The following PDK1 variants were observed in gnomAD, a reference collection of about 807,000 sequenced individuals.
The protein encoded by PDK1 is pyruvate dehydrogenase kinase 1, also known as [Pyruvate dehydrogenase (acetyl-transferring)] kinase isozyme 1, mitochondrial.
PDK1 carries 39 observed loss-of-function variants against 54.2 expected under a neutral mutation model. That is an observed-to-expected ratio of 0.72 (90% CI 0.56 to 0.94). The LOEUF is 0.94. PDK1 is among the 40% of genes least tolerant of loss of function. The pLI is 0.00. For missense variants in PDK1, 552 were observed against 566.0 expected, an observed-to-expected ratio of 0.98 and a Z score of 0.25; for synonymous variants, 221 against 207.1, an observed-to-expected ratio of 1.07 and a Z score of -0.58.
the PDK1 span, among the ~76,000 whole-genome samples, chr2:172,645,260 C>CTTTTTTTTTTTTTTTTTTTTTTTTTTTT: frequency 3.9e-5 from 2 of 51,128 alleles, no homozygotes; most frequent in African/African-American, 6.8e-5. Flanking sequence ...ACAAAATAGG[C>CTTTTTTTTTTTTTTTTTTTTTTTTTTTT]TTTTTTTTTT....
the PDK1 span, among the ~76,000 whole-genome samples, chr2:172,668,450 G>A: frequency 6.6e-6 from 1 of 151,788 alleles, no homozygotes. Context: ...TATTTTTCTC[G>A]ACCTAAACTG....
the PDK1 span, among the ~76,000 whole-genome samples, chr2:172,707,016 G>A: frequency 6.6e-6 from 1 of 152,246 alleles, no homozygotes. Context: ...CTTCCTTTGT[G>A]GCCTCCATTG....
chr2:172,560,071 C>T (rs1688573795), intron 2 of PDK1, among the ~76,000 whole-genome samples: 1 of 152,192 alleles, frequency 6.6e-6, no homozygotes. Context: ...CCTCAAACTC[C>T]GGAGGTCAAG....
chr2:172,572,161 C>T (rs922222181), intron 8 of PDK1, among the ~76,000 whole-genome samples: 5 of 151,906 alleles, frequency 3.3e-5, no homozygotes, highest in African/African-American at 4.8e-5. Flanking sequence ...TAAATATTAC[C>T]TTTCTGTTAT....
rs70937082 is a variant in PDK1, at chr2:172,597,059, C to G, written c.*1090C>G. The G allele has an allele frequency of 1.3e-5, 2 of 151,892 alleles. No homozygotes were observed. The highest frequency in any genetic ancestry group is 3.9e-4 in the East Asian group (2 of 5,190). 9.4% of individuals were successfully genotyped at this position (151,892 alleles called of 1,614,324 possible). On this transcript the variant is annotated 3_prime_UTR_variant, in exon 11 of 11. Transcript: ENST00000282077. ...AATTAGAAGCAGAAGAACAAAATGCCACGTAACCAAAGCATCAGAGCCATC... is the reference window on the plus strand; with the variant it reads ...AATTAGAAGCAGAAGAACAAAATGCGACGTAACCAAAGCATCAGAGCCATC...
the PDK1 span, among the ~76,000 whole-genome samples, chr2:172,627,715 A>C: frequency 1.2e-4 from 18 of 152,212 alleles, no homozygotes; most frequent in Non-Finnish European, 1.3e-4. Context: ...GCAACTTGAT[A>C]CGCAAGAAGG....
chr2:172,703,272 G>C, the PDK1 span, among the ~76,000 whole-genome samples: 1 of 152,148 alleles, frequency 6.6e-6, no homozygotes, highest in Non-Finnish European at 1.5e-5. Flanking sequence ...GTACAATACA[G>C]TCGACACCTT....
chr2:172,651,740 C>T, the PDK1 span, among the ~76,000 whole-genome samples: 2 of 152,166 alleles, frequency 1.3e-5, no homozygotes, highest in Non-Finnish European at 2.9e-5. Context: ...AATTCCTGGA[C>T]ACATACATCC....
the PDK1 span, among the ~76,000 whole-genome samples, chr2:172,651,544 G>GA: frequency 3.3e-5 from 5 of 152,070 alleles, no homozygotes; most frequent in African/African-American, 1.2e-4. Context: ...CTGGTTTTTT[G>GA]AAAAGATCAA....
At chr2:172,663,667 A>C in the PDK1 span, among the ~76,000 whole-genome samples, 3 of 152,196 alleles carry the variant, frequency 2.0e-5, no homozygotes, top group African/African-American at 7.2e-5. Context: ...CTGCATTTGC[A>C]GCAGGGAGGA....
chr2:172,595,699 T>C (rs949144651), intron 10 of PDK1, 130 bp from the exon 11 acceptor site: 12 of 653,720 alleles, frequency 1.8e-5, no homozygotes, highest in Non-Finnish European at 3.1e-5. Flanking sequence ...ATTTAGGTGG[T>C]ATAAGGATTA....
At chr2:172,674,308 G>C in the PDK1 span, 1 of 152,530 alleles carries the variant, frequency 6.6e-6, no homozygotes, top group African/African-American at 2.4e-5. Flanking sequence ...ATGGGTGCCA[G>C]GGCACGTTTC....
intron 8 of PDK1, among the ~76,000 whole-genome samples, chr2:172,580,658 C>T (rs1689853646): frequency 6.6e-6 from 1 of 152,190 alleles, no homozygotes; most frequent in Non-Finnish European, 1.5e-5. Flanking sequence ...CACACAAATA[C>T]TCATAGTGGC....
At chr2:172,708,423 G>A in the PDK1 span, among the ~76,000 whole-genome samples, 4 of 152,192 alleles carry the variant, frequency 2.6e-5, no homozygotes, top group African/African-American at 9.7e-5. Flanking sequence ...TAACTGTAGG[G>A]GGAGGATAGT....
the PDK1 span, among the ~76,000 whole-genome samples, chr2:172,623,763 A>C: frequency 6.6e-6 from 1 of 152,132 alleles, no homozygotes; most frequent in Non-Finnish European, 1.5e-5. Context: ...ATGAACATAC[A>C]GATATGAAAA....
Position 172,607,407 on chromosome 2 carries a change from C to A in PDK1, c.*11438C>A, listed in dbSNP as rs1033752606. ...TTCTTTCTAAAACTCCTTCTGTTCT[C>A]TAAGATGTAGTTTGAACCAGCCAAG... On this transcript the variant is annotated 3_prime_UTR_variant, in exon 11 of 11. Coordinates refer to ENST00000282077, the MANE Select transcript of PDK1 (RefSeq NM_002610.5). The A allele has an allele frequency of 4.6e-5, 7 of 152,218 alleles. No individual in the cohort carries two copies. Among genetic ancestry groups the A allele is most frequent in the Non-Finnish European group, 2.9e-5 (2 of 68,038 alleles). 9.4% of individuals were successfully genotyped at this position (152,218 alleles called of 1,614,324 possible).
intron 8 of PDK1, among the ~76,000 whole-genome samples, chr2:172,579,527 T>TTC (rs1365454492): frequency 3.4e-4 from 41 of 121,624 alleles, no homozygotes; most frequent in East Asian, 9.5e-4. Context: ...CGCTCTTTCT[T>TTC]TTTTTTTTTT....
downstream of PDK1, among the ~76,000 whole-genome samples, chr2:172,611,556 T>C (rs2149331708): frequency 6.6e-6 from 1 of 152,262 alleles, no homozygotes; most frequent in East Asian, 1.9e-4. Flanking sequence ...ACTTCCCAAC[T>C]CATAAGACTA....
the PDK1 span, among the ~76,000 whole-genome samples, chr2:172,712,615 A>G: frequency 3.3e-5 from 5 of 152,256 alleles, no homozygotes; most frequent in African/African-American, 9.6e-5. Flanking sequence ...AGCGGCTTCC[A>G]CTGTGGACAC....
Sources: allele counts gnomAD v4.1 joint callset (sites outside exome capture counted in the v4.1 genomes callset), GRCh38; gene constraint gnomAD v4.1.1; transcripts MANE v1.5; gene names NCBI Gene and HGNC (gene_info 2026-07-23, HGNC 2026-07-21).